Variants in TRIM24 observed in about 807,000 individuals in gnomAD.
The protein encoded by TRIM24 is tripartite motif containing 24.
TRIM24 carries 29 observed loss-of-function variants against 123.9 expected under a neutral mutation model. The ratio of observed to expected loss-of-function variants is 0.23; its 90% CI spans 0.17 to 0.32. TRIM24 has a LOEUF of 0.32. TRIM24 is among the 10% of genes least tolerant of loss of function. The pLI is 1.00. For missense variants in TRIM24, 932 were observed against 1,295.3 expected (o/e 0.72, Z 4.31); for synonymous variants, 456 against 461.1 (o/e 0.99, Z 0.14).
At chr7:138,480,466 C>T (rs958370269) in intron 1 of TRIM24, among the ~76,000 whole-genome samples, 1 of 152,140 alleles carries the variant, frequency 6.6e-6, no homozygotes, top group Admixed American at 6.5e-5. Flanking sequence ...TAATACTTTG[C>T]ACAAATATAC....
chr7:138,486,596 C>G (rs544079685), intron 1 of TRIM24, among the ~76,000 whole-genome samples: 2 of 152,274 alleles, frequency 1.3e-5, no homozygotes, highest in South Asian at 2.1e-4. Context: ...AATAGGGAAT[C>G]CTTTCCCCAT....
At chr7:138,517,350 T>TTG (rs1365385411) in intron 3 of TRIM24, among the ~76,000 whole-genome samples, 43 of 151,946 alleles carry the variant, frequency 2.8e-4, no homozygotes, top group Non-Finnish European at 4.4e-4. Context: ...CTTAGGGTTT[T>TTG]TGTGTGTGTG....
chr7:138,571,114 G>A, intron 11 of TRIM24, 111 bp downstream of exon 11: 1 of 1,104,968 alleles, frequency 9.1e-7, no homozygotes, highest in South Asian at 1.5e-5. Flanking sequence ...CAGATTACTT[G>A]AGGTCAGGAG....
intron 17 of TRIM24, among the ~76,000 whole-genome samples, chr7:138,583,502 C>A (rs76179715): frequency 1.3e-5 from 2 of 152,134 alleles, no homozygotes; most frequent in African/African-American, 2.4e-5. Flanking sequence ...TGCCTGTAAC[C>A]CCAGCTACGC....
At position 138,584,768 on chromosome 7, in the gene TRIM24, T is replaced by C. The variant is rs781549766; in HGVS notation, c.2970T>C (p.Gly990=). 1 of 1,611,862 alleles carries C rather than the reference T, an allele frequency of 6.2e-7. No homozygotes were observed. The highest frequency in any genetic ancestry group is 8.5e-7 in the Non-Finnish European group (1 of 1,179,394). ...CTGATTCAGAAGTAGCCAATGCTGG[T>C]ATAAAACTTGAAAATTATTTTGAAG... ...NEPDSEVANA[G]IKLENYFEEL... is the part of the protein sequence containing the mutation. The change falls in exon 19 of 19, where the codon GGT becomes GGC. Residue 990 remains glycine, a synonymous_variant. Transcript: ENST00000343526.
intron 4 of TRIM24, among the ~76,000 whole-genome samples, chr7:138,520,947 T>C (rs1053901344): frequency 2.0e-5 from 3 of 152,218 alleles, no homozygotes; most frequent in Non-Finnish European, 4.4e-5. Context: ...CAGAATGTAA[T>C]GGCTGAGAAC....
chr7:138,516,754 T>C (rs1014497143), intron 3 of TRIM24, among the ~76,000 whole-genome samples: 14 of 152,012 alleles, frequency 9.2e-5, no homozygotes. Context: ...TTACTTAGCA[T>C]AATATTTTAA....
At chr7:138,515,077 G>A in intron 2 of TRIM24, 135 bp from the exon 3 acceptor site, 1 of 746,782 alleles carries the variant, frequency 1.3e-6, no homozygotes, top group South Asian at 3.3e-5. Context: ...CACAAGGTCA[G>A]TTTAAAATTT....
At chr7:138,558,902 TAAC>T (rs971227865) in intron 9 of TRIM24, among the ~76,000 whole-genome samples, 1 of 152,234 alleles carries the variant, frequency 6.6e-6, no homozygotes, top group African/African-American at 2.4e-5. Flanking sequence ...AGCGGGCTAT[TAAC>T]GGGGACCTAG....
chr7:138,465,974 C>T (rs1012829772), intron 1 of TRIM24, among the ~76,000 whole-genome samples: 4 of 152,266 alleles, frequency 2.6e-5, no homozygotes, highest in African/African-American at 9.6e-5. Context: ...TTCACACTCT[C>T]CCCAGTTTTG....
At chr7:138,525,958 T>C (rs188946577) in intron 5 of TRIM24, among the ~76,000 whole-genome samples, 58 of 152,290 alleles carry the variant, frequency 3.8e-4, no homozygotes, top group Non-Finnish European at 6.2e-4. Flanking sequence ...CTAACCTCCA[T>C]GGAGCGGGGG....
intron 9 of TRIM24, among the ~76,000 whole-genome samples, chr7:138,555,839 A>G (rs996658920): frequency 6.6e-6 from 1 of 152,088 alleles, no homozygotes; most frequent in African/African-American, 2.4e-5. Flanking sequence ...CACTAACTCA[A>G]TCAACCATAA....
chr7:138,521,664 C>G (rs544116111), intron 4 of TRIM24, among the ~76,000 whole-genome samples: 90 of 152,128 alleles, frequency 5.9e-4, no homozygotes, highest in African/African-American at 2.0e-3. Flanking sequence ...AGGTTTCGGA[C>G]TGGATAAGAA....
chr7:138,535,986 C>T (rs1003100895), intron 6 of TRIM24, among the ~76,000 whole-genome samples: 1 of 151,992 alleles, frequency 6.6e-6, no homozygotes, highest in African/African-American at 2.4e-5. Context: ...TCACTGATAC[C>T]CTTTCTTCCA....
chr7:138,584,355 T>C (rs912452070), intron 18 of TRIM24, among the ~76,000 whole-genome samples: 1 of 152,098 alleles, frequency 6.6e-6, no homozygotes, highest in Non-Finnish European at 1.5e-5. Flanking sequence ...CATCTGTCAG[T>C]TCATCTACAC....
At position 138,467,404 on chromosome 7, in the gene TRIM24, T is replaced by G. The variant is rs567018859; in HGVS notation, c.364+6492T>G. On this transcript the variant is annotated intron_variant, in intron 1 of 18. Coordinates refer to ENST00000343526, the MANE Select transcript of TRIM24 (RefSeq NM_015905.3). ...GTTACCAGGCTGGAGTGCAGTAATG[T>G]GATCTCTGCTCACTGCAACCTCCGC... Among the ~76,000 whole-genome samples the G allele has an allele frequency of 9.8e-5, 15 of 152,288 alleles. No homozygotes were observed. The Middle Eastern group carries it at 0.01, about 104-fold the overall frequency.
intron 17 of TRIM24, among the ~76,000 whole-genome samples, 187 bp from the exon 18 acceptor site, chr7:138,583,663 C>T (rs1474197252): frequency 6.6e-6 from 1 of 152,112 alleles, no homozygotes; most frequent in Non-Finnish European, 1.5e-5. Context: ...TCACACAAAC[C>T]TTTACCAGTG....
intron 6 of TRIM24, among the ~76,000 whole-genome samples, chr7:138,530,658 G>A (rs1300414446): frequency 4.6e-5 from 7 of 151,718 alleles, no homozygotes; most frequent in Admixed American, 1.3e-4. Flanking sequence ...TAAGAGGGGG[G>A]GTTTTGACAC....
At chr7:138,557,046 G>T (rs930673670) in intron 9 of TRIM24, among the ~76,000 whole-genome samples, 2 of 152,218 alleles carry the variant, frequency 1.3e-5, no homozygotes, top group African/African-American at 4.8e-5. Flanking sequence ...TGAAAGAAAA[G>T]CAGGAGCTTA....
Sources: allele counts gnomAD v4.1 joint callset (sites outside exome capture counted in the v4.1 genomes callset), GRCh38; gene constraint gnomAD v4.1.1; transcripts MANE v1.5; gene names NCBI Gene and HGNC (gene_info 2026-07-23, HGNC 2026-07-21).